Variants in PRKAR1A observed in about 807,000 individuals in gnomAD.
The protein encoded by PRKAR1A is cAMP-dependent protein kinase type I-alpha regulatory subunit.
PRKAR1A carries 3 observed loss-of-function variants against 52.0 expected under a neutral mutation model. That is an observed-to-expected ratio of 0.06 (90% CI 0.03 to 0.15). The LOEUF (loss-of-function observed/expected upper bound fraction) is 0.15, where lower values mean the gene tolerates loss of function less well. PRKAR1A is among the 10% of genes least tolerant of loss of function. The pLI is 1.00. For synonymous variants in PRKAR1A, 188 were observed against 168.4 expected (o/e 1.12, Z -0.90); for missense variants, 240 against 477.4 (o/e 0.50, Z 4.63).
At chr17:68,417,108 T>C in the PRKAR1A span, among the ~76,000 whole-genome samples, 12 of 152,288 alleles carry the variant, frequency 7.9e-5, no homozygotes, top group African/African-American at 2.9e-4. Context: ...GGGTAGGTTA[T>C]TATTAAGTCT....
intron 11 of PRKAR1A, chr17:68,541,741 A>C: frequency 2.2e-6 from 1 of 450,902 alleles, no homozygotes; most frequent in Admixed American, 3.6e-5. Context: ...AGAGAGTCTG[A>C]GTCTTCCATT....
At chr17:68,420,708 G>A in the PRKAR1A span, 1 of 518,944 alleles carries the variant, frequency 1.9e-6, no homozygotes, top group Non-Finnish European at 3.4e-6. Flanking sequence ...TTGGAGTCAG[G>A]CACAGGTGCC....
the PRKAR1A span, among the ~76,000 whole-genome samples, chr17:68,476,734 C>T: frequency 6.6e-6 from 1 of 151,956 alleles, no homozygotes; most frequent in South Asian, 2.1e-4. Flanking sequence ...GCAATCTCGG[C>T]TCACTGCAAC....
At chr17:68,500,511 A>AT in the PRKAR1A span, among the ~76,000 whole-genome samples, 666 of 140,446 alleles carry the variant, frequency 4.7e-3, 2 homozygotes, top group African/African-American at 0.011. Context: ...AGTCTCGAGT[A>AT]TTTTTTTTTT....
chr17:68,548,725 A>ATTT lies in PRKAR1A; in HGVS notation c.974-2336_974-2334dup, dbSNP rs753348891. Among the ~76,000 whole-genome samples, 377 of 79,130 alleles carry ATTT rather than the reference A, an allele frequency of 4.8e-3. 3 individuals carry two copies. The highest frequency in any genetic ancestry group is 0.011 in the African/African-American group (191 of 18,140). 51.9% of individuals were successfully genotyped at this position (79,130 alleles called of 152,430 possible). A position where few individuals can be genotyped will look rare whatever the true frequency, so the allele number is the denominator to read the frequency against. ...CAGATACAGCGAGCTATGCCTGTAT[A>ATTT]TTTTTTTTTTTTTTTTTTTTTTTTT... On this transcript the variant is annotated intron_variant, in intron 11 of 11. Transcript: ENST00000585981.
chr17:68,525,101 A>G, intron 6 of PRKAR1A, 143 bp downstream of exon 6: 2 of 710,422 alleles, frequency 2.8e-6, no homozygotes, highest in Non-Finnish European at 4.8e-6. Flanking sequence ...AAGTATTTTT[A>G]TGACACAGAG....
chr17:68,442,082 T>C, the PRKAR1A span, among the ~76,000 whole-genome samples: 2 of 152,246 alleles, frequency 1.3e-5, no homozygotes, highest in African/African-American at 4.8e-5. Flanking sequence ...CTTTTAAACC[T>C]TATTTTCTCT....
chr17:68,537,387 G>A (rs974057709), downstream of PRKAR1A: 2 of 1,548,558 alleles, frequency 1.3e-6, no homozygotes. This position sits in a 1 kb window ranked among gnomAD's most constrained non-coding sequence, Gnocchi z 4.2. Flanking sequence ...ACTCCCAGCA[G>A]TAACAGGTGG....
At chr17:68,433,343 G>A in the PRKAR1A span, 39 of 922,844 alleles carry the variant, frequency 4.2e-5, no homozygotes, top group East Asian at 9.9e-4. Context: ...CCATCACTTA[G>A]GTGAAGTCCC....
chr17:68,541,107 GC>G, intron 11 of PRKAR1A: 1 of 1,169,472 alleles, frequency 8.6e-7, no homozygotes, highest in Non-Finnish European at 1.2e-6. Flanking sequence ...AAGGCCCTGG[GC>G]AAGGACGCGT....
chr17:68,456,177 C>T, the PRKAR1A span, among the ~76,000 whole-genome samples: 1 of 152,176 alleles, frequency 6.6e-6, no homozygotes, highest in Non-Finnish European at 1.5e-5. Flanking sequence ...GAAAGTCACT[C>T]AAATAACCAA....
In PRKAR1A at chr17:68,524,089, T is replaced by C; in HGVS notation, c.502+12T>C. On this transcript the variant is annotated intron_variant, in intron 5 of 10. Coordinates refer to ENST00000589228, the MANE Select transcript of PRKAR1A (RefSeq NM_002734.5). ...TGTGATTCAGCAAGGTAAGGGCCTC[T>C]GGAGCATGCAATATTGTTACGGGAG... 1 of 1,613,440 alleles carries C rather than the reference T, an allele frequency of 6.2e-7. No individual in the cohort carries two copies. Among genetic ancestry groups the C allele is most frequent in the Non-Finnish European group, 8.5e-7 (1 of 1,179,484 alleles).
chr17:68,429,087 TC>T, the PRKAR1A span: 1 of 620,188 alleles, frequency 1.6e-6, no homozygotes, highest in Admixed American at 2.8e-5. Context: ...TTCTGGCTAT[TC>T]CTTTGCATTC....
intron 11 of PRKAR1A, chr17:68,539,966 C>T (rs2086216298): frequency 1.2e-6 from 2 of 1,613,942 alleles, no homozygotes; most frequent in African/African-American, 1.3e-5. Flanking sequence ...GTCCATATTC[C>T]CTGTGAAGGA....
intron 4 of PRKAR1A, 67 bp from the exon 5 acceptor site, chr17:68,523,949 A>G: frequency 1.3e-6 from 2 of 1,597,224 alleles, no homozygotes; most frequent in African/African-American, 2.7e-5. Context: ...TTTAATTCTA[A>G]GCTTAATGTT....
the PRKAR1A span, chr17:68,420,748 T>A: frequency 2.3e-6 from 1 of 441,416 alleles, no homozygotes; most frequent in South Asian, 3.5e-5. Flanking sequence ...GGGCAATTGT[T>A]TAACCTAACC....
At chr17:68,492,487 G>A in the PRKAR1A span, among the ~76,000 whole-genome samples, 3 of 152,136 alleles carry the variant, frequency 2.0e-5, no homozygotes, top group Non-Finnish European at 4.4e-5. Flanking sequence ...TGTTTTGGGC[G>A]TTGGTTAGTG....
the PRKAR1A span, chr17:68,422,151 G>T: frequency 4.1e-6 from 1 of 243,746 alleles, no homozygotes; most frequent in Non-Finnish European, 8.2e-6. Context: ...GTTTAGGCTG[G>T]GCGCGGTGGC....
the PRKAR1A span, chr17:68,450,646 C>A: frequency 1.3e-6 from 2 of 1,499,502 alleles, no homozygotes; most frequent in Non-Finnish European, 1.8e-6. Context: ...GTTTTACAGA[C>A]ATTGATCTTG....
Sources: allele counts gnomAD v4.1 joint callset (sites outside exome capture counted in the v4.1 genomes callset), GRCh38; gene constraint gnomAD v4.1.1; non-coding constraint Gnocchi (gnomAD v3.1); transcripts MANE v1.5; gene names NCBI Gene and HGNC (gene_info 2026-07-23, HGNC 2026-07-21).